The following AGPAT4 variants were observed in gnomAD, a reference collection of about 807,000 sequenced individuals.
The protein encoded by AGPAT4 is 1-acyl-sn-glycerol-3-phosphate acyltransferase delta.
Under a neutral mutation model 48.0 loss-of-function variants are expected in AGPAT4, and 15 were observed. The ratio of observed to expected loss-of-function variants is 0.31; its 90% CI spans 0.21 to 0.48. AGPAT4 has a LOEUF of 0.48. AGPAT4 is among the 20% of genes least tolerant of loss of function. The probability of loss-of-function intolerance (pLI) is 0.99; values close to 1 mark genes in which losing one functional copy is unlikely to be tolerated. For synonymous variants in AGPAT4, 178 were observed against 198.7 expected (o/e 0.90, Z 0.88); for missense variants, 314 against 482.5 (o/e 0.65, Z 3.27).
rs1275770249 is a variant in AGPAT4, at chr6:161,234,589, G to T, written c.-89-2287C>A. Among the ~76,000 whole-genome samples the T allele has an allele frequency of 6.6e-6, 1 of 152,140 alleles. No individual in the cohort carries two copies. Among genetic ancestry groups the T allele is most frequent in the Non-Finnish European group, 1.5e-5 (1 of 68,034 alleles). Reference sequence around the variant, plus strand: ...CACATAAATAGGAGGGGTTTACATGGGTTTGCAGCTTGGCAGCAGTAACAG... The same window carrying T: ...CACATAAATAGGAGGGGTTTACATGTGTTTGCAGCTTGGCAGCAGTAACAG... On this transcript the variant is annotated intron_variant, in intron 1 of 8. Coordinates refer to ENST00000320285, the MANE Select transcript of AGPAT4 (RefSeq NM_020133.3). The surrounding 1 kb of genome is among the most constrained non-coding windows in gnomAD (Gnocchi z 4.4).
rs1782171143 is a variant in AGPAT4 at position 161,233,112 on chromosome 6, CA to C, written c.-89-811del. Among the ~76,000 whole-genome samples the C allele has an allele frequency of 2.4e-5, 1 of 41,886 alleles. No individual in the cohort carries two copies. Among genetic ancestry groups the C allele is most frequent in the Non-Finnish European group, 4.3e-5 (1 of 23,406 alleles). 27.5% of individuals were successfully genotyped at this position (41,886 alleles called of 152,430 possible). ...CACATAGACACACACACAAACACCA[CA>C]CACACACACACACACACACACACAC... is the stretch of plus-strand genomic sequence containing the variant. On this transcript the variant is annotated intron_variant, in intron 1 of 8. Coordinates refer to ENST00000320285, the MANE Select transcript of AGPAT4 (RefSeq NM_020133.3). This position sits in a 1 kb window ranked among gnomAD's most constrained non-coding sequence, Gnocchi z 5.4.
rs1254173534 is a variant in AGPAT4 at position 161,218,112 on chromosome 6, T to C, written c.178+13924A>G. Among the ~76,000 whole-genome samples the C allele has an allele frequency of 6.6e-6, 1 of 152,224 alleles. No individual in the cohort carries two copies. Among genetic ancestry groups the C allele is most frequent in the Non-Finnish European group, 1.5e-5 (1 of 68,044 alleles). On this transcript the variant is annotated intron_variant, in intron 2 of 8. Coordinates refer to ENST00000320285, the MANE Select transcript of AGPAT4 (RefSeq NM_020133.3). This position sits in a 1 kb window ranked among gnomAD's most constrained non-coding sequence, Gnocchi z 4.7. ...TTGTTCTTCTGGCAAGAGAACCACATGCCCTGGGGTGGACATACAACCTGC... is the reference window on the plus strand; with the variant it reads ...TTGTTCTTCTGGCAAGAGAACCACACGCCCTGGGGTGGACATACAACCTGC...
chr6:161,198,869 T>C lies in AGPAT4; in HGVS notation c.179-32452A>G, dbSNP rs1781140687. On this transcript the variant is annotated intron_variant, in intron 2 of 8. Transcript: ENST00000320285. The surrounding 1 kb of genome is among the most constrained non-coding windows in gnomAD (Gnocchi z 4.3). ...GCTTATTAAGGGGTAAATATCTTGTTTATATGATCCACGATTCTATATTTT... is the reference window on the plus strand; with the variant it reads ...GCTTATTAAGGGGTAAATATCTTGTCTATATGATCCACGATTCTATATTTT... Among the ~76,000 whole-genome samples the C allele has an allele frequency of 6.6e-6, 1 of 152,212 alleles. No individual in the cohort carries two copies. Among genetic ancestry groups the C allele is most frequent in the African/African-American group, 2.4e-5 (1 of 41,456 alleles).
At chr6:161,191,675 T>C (rs1177975311) in intron 2 of AGPAT4, among the ~76,000 whole-genome samples, 2 of 152,194 alleles carry the variant, frequency 1.3e-5, no homozygotes, top group Non-Finnish European at 2.9e-5. Context: ...ATTGCAGCTG[T>C]TTGACTTTTG....
At chr6:161,253,328 C>T (rs929092420) in intron 1 of AGPAT4, among the ~76,000 whole-genome samples, 5 of 150,040 alleles carry the variant, frequency 3.3e-5, no homozygotes, top group Non-Finnish European at 7.4e-5. Context: ...AATCTCTGCT[C>T]ACTGCAAGCT....
chr6:161,144,889 G>A lies in AGPAT4; in HGVS notation c.843+1635C>T, dbSNP rs565080942. Among the ~76,000 whole-genome samples the A allele has an allele frequency of 1.1e-4, 16 of 152,196 alleles. No individual in the cohort carries two copies. The South Asian group carries it at 3.1e-3, about 30-fold the overall frequency. On this transcript the variant is annotated intron_variant, in intron 7 of 8. Transcript: ENST00000320285. The surrounding 1 kb of genome is among the most constrained non-coding windows in gnomAD (Gnocchi z 6.6). ...CCAGATATTTGGGAGGCTGAGGCAG[G>A]AGAATGGCGTGAACCCAGGAGGCAG... is the stretch of plus-strand genomic sequence containing the variant.
chr6:161,193,700 G>A (rs1483059825), intron 2 of AGPAT4, among the ~76,000 whole-genome samples: 1 of 152,192 alleles, frequency 6.6e-6, no homozygotes, highest in African/African-American at 2.4e-5. Flanking sequence ...GGGCTTTGAC[G>A]TCTGTGTTGA....
rs962558100 is a variant in AGPAT4 at position 161,142,034 on chromosome 6, T to G, written c.844-2414A>C. Among the ~76,000 whole-genome samples, 3 of 152,184 alleles carry G rather than the reference T, an allele frequency of 2.0e-5. No individual in the cohort carries two copies. Among genetic ancestry groups the G allele is most frequent in the African/African-American group, 7.2e-5 (3 of 41,466 alleles). ...CCTGCCATCATGCCCAGCTAATTTT[T>G]GTAGAGATAGGGTTTTACCATGTTG... is the stretch of plus-strand genomic sequence containing the variant. On this transcript the variant is annotated intron_variant, in intron 7 of 8. Transcript: ENST00000320285. The surrounding 1 kb of genome is among the most constrained non-coding windows in gnomAD (Gnocchi z 6.4).
rs973973908 is a variant in AGPAT4, at chr6:161,171,998, G to A, written c.179-5581C>T. ...GCATCCCTGAAATATTTACCTTCTT[G>A]TCTAGGCATCCAAACTAACACATAT... On this transcript the variant is annotated intron_variant, in intron 2 of 8. Coordinates refer to ENST00000320285, the MANE Select transcript of AGPAT4 (RefSeq NM_020133.3). The surrounding 1 kb of genome is among the most constrained non-coding windows in gnomAD (Gnocchi z 4.4). Among the ~76,000 whole-genome samples the A allele has an allele frequency of 4.6e-5, 7 of 152,192 alleles. No homozygotes were observed. The highest frequency in any genetic ancestry group is 1.4e-4 in the African/African-American group (6 of 41,444).
intron 1 of AGPAT4, among the ~76,000 whole-genome samples, chr6:161,247,809 C>T (rs958286510): frequency 6.6e-6 from 1 of 151,696 alleles, no homozygotes; most frequent in African/African-American, 2.4e-5. Flanking sequence ...ATGGTGAAAC[C>T]CCATCTCTAC....
rs1656029926 is a variant in AGPAT4, at chr6:161,243,352, A to G, written c.-89-11050T>C. On this transcript the variant is annotated intron_variant, in intron 1 of 8. Coordinates refer to ENST00000320285, the MANE Select transcript of AGPAT4 (RefSeq NM_020133.3). This position sits in a 1 kb window ranked among gnomAD's most constrained non-coding sequence, Gnocchi z 4.8. The stretch of plus-strand genomic sequence containing the variant: ...CATCCCCAGCCGGCACTAAAAACAA[A>G]AAGAGAGAGCTTTATTCAGCACCTA... Among the ~76,000 whole-genome samples, 2 of 152,062 alleles carry G rather than the reference A, an allele frequency of 1.3e-5. No individual in the cohort carries two copies. The highest frequency in any genetic ancestry group is 4.8e-5 in the African/African-American group (2 of 41,390).
In AGPAT4 at chr6:161,245,275, G is replaced by A. The variant is rs766234795; in HGVS notation, c.-89-12973C>T. ...CAGCTTCCTCCTTTGTCAACAGGACGTACTGACATACACGCCGGCCCCACA... is the reference window on the plus strand; with the variant it reads ...CAGCTTCCTCCTTTGTCAACAGGACATACTGACATACACGCCGGCCCCACA... On this transcript the variant is annotated intron_variant, in intron 1 of 8. Transcript: ENST00000320285. The surrounding 1 kb of genome is among the most constrained non-coding windows in gnomAD (Gnocchi z 5.2). Among the ~76,000 whole-genome samples the A allele has an allele frequency of 2.0e-5, 3 of 152,218 alleles. No homozygotes were observed. The highest frequency in any genetic ancestry group is 4.8e-5 in the African/African-American group (2 of 41,454).
intron 5 of AGPAT4, among the ~76,000 whole-genome samples, chr6:161,152,794 G>A (rs1208548851): frequency 6.6e-6 from 1 of 152,204 alleles, no homozygotes; most frequent in Non-Finnish European, 1.5e-5. Flanking sequence ...TGAGGGCGTG[G>A]GGAGGCCAGG....
chr6:161,205,767 C>CAAA (rs1781364046), intron 2 of AGPAT4, among the ~76,000 whole-genome samples: 1 of 129,574 alleles, frequency 7.7e-6, no homozygotes, highest in African/African-American at 3.2e-5. Context: ...ATAATAACAA[C>CAAA]AAACATGCCA....
At chr6:161,224,817 T>C (rs1325577082) in intron 2 of AGPAT4, among the ~76,000 whole-genome samples, 1 of 152,202 alleles carries the variant, frequency 6.6e-6, no homozygotes, top group Non-Finnish European at 1.5e-5. Context: ...AGTAACATCT[T>C]TGTTGCTTGA....
At position 161,234,014 on chromosome 6, in the gene AGPAT4, G is replaced by T. The variant is rs1782199905; in HGVS notation, c.-89-1712C>A. Among the ~76,000 whole-genome samples the T allele has an allele frequency of 6.6e-6, 1 of 152,180 alleles. No homozygotes were observed. The highest frequency in any genetic ancestry group is 2.4e-5 in the African/African-American group (1 of 41,438). ...TCTTGGGGCTCAGTTTTAACTCCGA[G>T]CTCTTTCTCCTGCACGTGTCAGGGG... On this transcript the variant is annotated intron_variant, in intron 1 of 8. Transcript: ENST00000320285. The surrounding 1 kb of genome is among the most constrained non-coding windows in gnomAD (Gnocchi z 4.4).
chr6:161,160,000 CA>C lies in AGPAT4; in HGVS notation c.349-5691del, dbSNP rs960770061. ...TTGCCCAGGCTGGAGTGCAGTGGTG[CA>C]ATCTCAGCTCACTGCAACCTCCGCC... On this transcript the variant is annotated intron_variant, in intron 3 of 8. Coordinates refer to ENST00000320285, the MANE Select transcript of AGPAT4 (RefSeq NM_020133.3). The surrounding 1 kb of genome is among the most constrained non-coding windows in gnomAD (Gnocchi z 4.1). 1 of 150,586 alleles carries C rather than the reference CA, an allele frequency of 6.6e-6. No individual in the cohort carries two copies. Among genetic ancestry groups the C allele is most frequent in the African/African-American group, 2.5e-5 (1 of 40,678 alleles). 9.3% of individuals were successfully genotyped at this position (150,586 alleles called of 1,614,324 possible). A position where few individuals can be genotyped will look rare whatever the true frequency, so the allele number is the denominator to read the frequency against.
rs994193090 is a variant in AGPAT4 at position 161,155,672 on chromosome 6, A to G, written c.349-1362T>C. On this transcript the variant is annotated intron_variant, in intron 3 of 8. Transcript: ENST00000320285. The surrounding 1 kb of genome is among the most constrained non-coding windows in gnomAD (Gnocchi z 5.8). The stretch of plus-strand genomic sequence containing the variant: ...TTTTTCACACAAATCCAACATGCAG[A>G]TTCTCTCCAAGAAAACTTAGCCATG... Among the ~76,000 whole-genome samples, 1 of 152,258 alleles carries G rather than the reference A, an allele frequency of 6.6e-6. No homozygotes were observed. Among genetic ancestry groups the G allele is most frequent in the Non-Finnish European group, 1.5e-5 (1 of 68,044 alleles).
rs1781866859 is a variant in AGPAT4, at chr6:161,222,731, T to C, written c.178+9305A>G. 6.6e-6 allele frequency among the ~76,000 whole-genome samples: 1 copy of C among 152,224 alleles called. No individual in the cohort carries two copies. On this transcript the variant is annotated intron_variant, in intron 2 of 8. Transcript: ENST00000320285. The surrounding 1 kb of genome is among the most constrained non-coding windows in gnomAD (Gnocchi z 5.9). ...ACTTGGAGCCCATCTAGTGAGAGGG[T>C]CAATGGCTGCAAGTTGCTGCTAGGC...
Sources: gnomAD v4.1 joint callset for allele counts (sites outside exome capture counted in the v4.1 genomes callset) on GRCh38, gnomAD v4.1.1 for gene constraint, Gnocchi (gnomAD v3.1) non-coding constraint, MANE v1.5 for transcripts, NCBI Gene and HGNC (gene_info 2026-07-23, HGNC 2026-07-21) for gene names.